Variants in ATP8B4 observed in about 807,000 individuals in gnomAD.
The protein encoded by ATP8B4 is ATPase phospholipid transporting 8B4 (putative).
A neutral mutation model predicts 145.6 loss-of-function variants in ATP8B4; 133 were observed. The ratio of observed to expected loss-of-function variants is 0.91; its 90% CI spans 0.79 to 1.05. The LOEUF is 1.05. Ranked by LOEUF, ATP8B4 falls within the 50% of genes least tolerant of loss-of-function variation. The probability of loss-of-function intolerance (pLI) is 0.00; values close to 1 mark genes in which losing one functional copy is unlikely to be tolerated. For missense variants in ATP8B4, 1,458 were observed against 1,425.2 expected (o/e 1.02, Z -0.37); for synonymous variants, 507 against 492.9 (o/e 1.03, Z -0.38).
chr15:50,159,654 T>C (rs566608470), intron 1 of ATP8B4, among the ~76,000 whole-genome samples: 10 of 152,210 alleles, frequency 6.6e-5, no homozygotes, highest in Non-Finnish European at 8.8e-5. Context: ...TTTATTATGC[T>C]GAGGTCTGTT....
rs7172247 is a variant in ATP8B4, at chr15:50,019,853, A to G, written c.363-8936T>C. Among the ~76,000 whole-genome samples, 1,145 of 152,238 alleles carry G rather than the reference A, an allele frequency of 7.5e-3. 19 individuals are homozygous for G. Among genetic ancestry groups the G allele is most frequent in the African/African-American group, 0.027 (1,106 of 41,540 alleles). ...TATTTCATTAGTCACTGCTTCTCAC[A>G]CACTTAGCCAGCCCTTTCTCTTTTG... On this transcript the variant is annotated intron_variant, in intron 6 of 27. Coordinates refer to ENST00000284509, the MANE Select transcript of ATP8B4 (RefSeq NM_024837.4).
chr15:50,122,788 G>A (rs1249955337), upstream of ATP8B4, among the ~76,000 whole-genome samples: 1 of 151,868 alleles, frequency 6.6e-6, no homozygotes, highest in African/African-American at 2.4e-5. Context: ...CTACACTGGA[G>A]TCTACACTGC....
intron 1 of ATP8B4, among the ~76,000 whole-genome samples, chr15:50,153,591 C>A (rs2044375085): frequency 6.6e-6 from 1 of 152,160 alleles, no homozygotes; most frequent in Admixed American, 6.5e-5. Context: ...CCCGCCTTGG[C>A]CTCCCAAAGT....
intron 14 of ATP8B4, among the ~76,000 whole-genome samples, chr15:49,951,202 A>C (rs1285055284): frequency 2.0e-5 from 3 of 152,202 alleles, no homozygotes; most frequent in African/African-American, 7.2e-5. Context: ...TACTGTAGAC[A>C]TCTACTAGTT....
Position 49,987,016 on chromosome 15 carries a change from TGCACA to T in ATP8B4, c.748+370_748+374del, listed in dbSNP as rs2046666283. Among the ~76,000 whole-genome samples the T allele has an allele frequency of 5.3e-5, 8 of 152,314 alleles. No homozygotes were observed. In the South Asian group the frequency reaches 1.7e-3, roughly 32 times the overall value. On this transcript the variant is annotated intron_variant, in intron 10 of 27. Coordinates refer to ENST00000284509, the MANE Select transcript of ATP8B4 (RefSeq NM_024837.4). Reference sequence around the variant, plus strand: ...GACCTTTGCAAACTACAAAATTAACTGCACAGCCAGGAGCTTTCTTTCATACTCTT... The same window carrying T: ...GACCTTTGCAAACTACAAAATTAACTGCCAGGAGCTTTCTTTCATACTCTT...
chr15:50,085,919 G>GATATATATCATAT (rs1491582313), intron 2 of ATP8B4, among the ~76,000 whole-genome samples: 5 of 101,794 alleles, frequency 4.9e-5, no homozygotes, highest in African/African-American at 2.3e-4. Flanking sequence ...ATTTATATAT[G>GATATATATCATAT]ATATATATCA....
intron 21 of ATP8B4, among the ~76,000 whole-genome samples, chr15:49,898,939 T>C (rs1348248560): frequency 1.3e-5 from 2 of 152,232 alleles, no homozygotes; most frequent in East Asian, 1.9e-4. Context: ...TCCAATTAAC[T>C]GTGCAATTTT....
intron 3 of ATP8B4, among the ~76,000 whole-genome samples, chr15:50,053,376 C>T (rs2153614165): frequency 6.6e-6 from 1 of 152,324 alleles, no homozygotes; most frequent in East Asian, 1.9e-4. Context: ...TGCCCCAATT[C>T]ATTGCAAAGC....
In ATP8B4 at chr15:50,173,400, C is replaced by G. The variant is rs1404964827; in HGVS notation, c.-43+8861G>C. On this transcript the variant is annotated intron_variant, in intron 1 of 3. Transcript: ENST00000558829. ...TGTTAATCTATAACCTTACCCCCAA[C>G]CCCGTGCTCTCTGAAACATGTGCTG... is the stretch of plus-strand genomic sequence containing the variant. Among the ~76,000 whole-genome samples the G allele has an allele frequency of 2.6e-5, 4 of 152,138 alleles. No homozygotes were observed. In the East Asian group the frequency reaches 7.7e-4, roughly 29 times the overall value.
At chr15:49,884,833 G>A (rs1390073680) in intron 23 of ATP8B4, among the ~76,000 whole-genome samples, 1 of 152,028 alleles carries the variant, frequency 6.6e-6, no homozygotes, top group African/African-American at 2.4e-5. Flanking sequence ...ATGAGCAGCC[G>A]CATAAGATTA....
chr15:50,013,098 T>TA lies in ATP8B4; in HGVS notation c.363-2182dup, dbSNP rs530935790. The stretch of plus-strand genomic sequence containing the variant: ...AACCACCACCACTGACAATAATACA[T>TA]AAAAAAAATCCCAGCAGAACTGGAG... On this transcript the variant is annotated intron_variant, in intron 6 of 27. Transcript: ENST00000284509. 2.9e-3 allele frequency among the ~76,000 whole-genome samples: 442 copies of TA among 152,134 alleles called. 4 individuals are homozygous for TA. Among genetic ancestry groups the TA allele is most frequent in the African/African-American group, 0.01 (424 of 41,518 alleles).
intron 1 of ATP8B4, among the ~76,000 whole-genome samples, chr15:50,111,483 T>C (rs1211426880): frequency 1.3e-5 from 2 of 152,244 alleles, no homozygotes; most frequent in East Asian, 1.9e-4. Context: ...GGGTGTGCTA[T>C]TGAATTATGG....
intron 14 of ATP8B4, among the ~76,000 whole-genome samples, chr15:49,949,263 T>C (rs1185439665): frequency 1.3e-5 from 2 of 152,210 alleles, no homozygotes; most frequent in African/African-American, 2.4e-5. Context: ...TTGGGCAGTA[T>C]GGCCATTTTC....
chr15:49,861,652 C>T (rs1345607218), intron 27 of ATP8B4, among the ~76,000 whole-genome samples: 2 of 152,168 alleles, frequency 1.3e-5, no homozygotes, highest in African/African-American at 4.8e-5. Context: ...CTACTTACTC[C>T]TCTTCCCATG....
intron 8 of ATP8B4, among the ~76,000 whole-genome samples, chr15:49,997,689 G>A (rs1421516241): frequency 1.3e-5 from 2 of 152,076 alleles, no homozygotes; most frequent in Admixed American, 6.6e-5. Flanking sequence ...ATTTTAGACA[G>A]CCAAAAAGCA....
Position 49,917,323 on chromosome 15 carries a change from T to C in ATP8B4, c.2036-284A>G, listed in dbSNP as rs551844293. 1.8e-5 allele frequency: 6 copies of C among 338,418 alleles called. No individual in the cohort carries two copies. In the South Asian group the frequency reaches 4.4e-4, roughly 25 times the overall value. The allele number at this position is 338,418 out of a possible 1,614,324, so 21.0% of individuals were successfully genotyped here. A position where few individuals can be genotyped will look rare whatever the true frequency, so the allele number is the denominator to read the frequency against. ...CAGAAAAACCTTTTCATTCCCAAAT[T>C]AGCACTCATGAAAATAAGATCTTGT... On this transcript the variant is annotated intron_variant, in intron 19 of 27. Transcript: ENST00000284509.
intron 2 of ATP8B4, among the ~76,000 whole-genome samples, chr15:50,091,236 T>C (rs1378201262): frequency 6.6e-6 from 1 of 152,164 alleles, no homozygotes. Context: ...TCAAGTAGCA[T>C]TGACTGACAA....
chr15:49,943,843 T>C (rs2042356819), intron 14 of ATP8B4, among the ~76,000 whole-genome samples: 1 of 152,222 alleles, frequency 6.6e-6, no homozygotes, highest in African/African-American at 2.4e-5. Flanking sequence ...GTAATGGTGG[T>C]AGTTAAATCA....
intron 23 of ATP8B4, among the ~76,000 whole-genome samples, chr15:49,887,444 G>A (rs920469368): frequency 1.1e-4 from 17 of 151,594 alleles, no homozygotes; most frequent in Admixed American, 2.6e-4. Context: ...TTTCTAGGTC[G>A]ACACTCTGAT....
Sources: allele counts gnomAD v4.1 joint callset (sites outside exome capture counted in the v4.1 genomes callset), GRCh38; gene constraint gnomAD v4.1.1; transcripts MANE v1.5; gene names NCBI Gene and HGNC (gene_info 2026-07-23, HGNC 2026-07-21).